Variants in KCNQ1 observed in about 807,000 individuals in gnomAD.
The protein encoded by KCNQ1 is potassium voltage-gated channel subfamily KQT member 1.
In KCNQ1, 49 loss-of-function variants were observed where a neutral mutation model predicts 72.4. That is an observed-to-expected ratio of 0.68 (90% confidence interval 0.54 to 0.86). KCNQ1 has a LOEUF of 0.86. KCNQ1 is among the 40% of genes least tolerant of loss of function. The probability of loss-of-function intolerance (pLI) is 0.00; values close to 1 mark genes in which losing one functional copy is unlikely to be tolerated. For synonymous variants in KCNQ1, 450 were observed against 412.6 expected, an observed-to-expected ratio of 1.09 and a Z score of -1.10; for missense variants, 790 against 945.1, an observed-to-expected ratio of 0.84 and a Z score of 2.15.
intron 15 of KCNQ1, among the ~76,000 whole-genome samples, chr11:2,837,576 T>A (rs1423452320): frequency 6.6e-6 from 1 of 152,098 alleles, no homozygotes; most frequent in African/African-American, 2.4e-5. Context: ...AGGCGGCCTC[T>A]AAGAAGCACA....
At chr11:2,843,132 A>G (rs1356608387) in intron 15 of KCNQ1, among the ~76,000 whole-genome samples, 2 of 152,220 alleles carry the variant, frequency 1.3e-5, no homozygotes, top group Non-Finnish European at 2.9e-5. Flanking sequence ...AGCTGCCCCA[A>G]GGCCTGGCGG....
Position 2,663,376 on chromosome 11 carries a change from G to A in KCNQ1, c.1514+1295G>A. 2.5e-6 allele frequency: 1 copy of A among 398,778 alleles called. No homozygotes were observed. Among genetic ancestry groups the A allele is most frequent in the Non-Finnish European group, 4.4e-6 (1 of 226,172 alleles). 24.7% of individuals were successfully genotyped at this position (398,778 alleles called of 1,614,324 possible). On this transcript the variant is annotated intron_variant, in intron 11 of 15. Coordinates refer to ENST00000155840, the MANE Select transcript of KCNQ1 (RefSeq NM_000218.3). The surrounding 1 kb of genome is among the most constrained non-coding windows in gnomAD (Gnocchi z 5.2). The stretch of plus-strand genomic sequence containing the variant: ...AGATGGGCTGCCCAGGTACAGGTCA[G>A]CACCAGAAGGCAGAATGATGGCTTA...
chr11:2,557,623 G>A (rs1298896121), intron 2 of KCNQ1, among the ~76,000 whole-genome samples: 1 of 152,206 alleles, frequency 6.6e-6, no homozygotes, highest in African/African-American at 2.4e-5. Flanking sequence ...TGGGGCTGGA[G>A]CCTCCACAGC....
chr11:2,788,332 T>A (rs1564893242), intron 15 of KCNQ1, among the ~76,000 whole-genome samples: 1 of 152,176 alleles, frequency 6.6e-6, no homozygotes, highest in Non-Finnish European at 1.5e-5. Context: ...TGCAGCCAGG[T>A]CTGTTCCCTG....
At chr11:2,815,000 C>T (rs577959594) in intron 15 of KCNQ1, among the ~76,000 whole-genome samples, 2 of 152,344 alleles carry the variant, frequency 1.3e-5, no homozygotes, top group South Asian at 4.1e-4. Flanking sequence ...GCTCTGCACA[C>T]ACAGCTTTCC....
chr11:2,478,232 A>G lies in KCNQ1; in HGVS notation c.386+32748A>G, dbSNP rs1846601073. ...TGAATACTTTGAAAATGCCAGGGCC[A>G]AAAAACGTAGAAGGCTAAATAAAGT... On this transcript the variant is annotated intron_variant, in intron 1 of 15. Transcript: ENST00000155840. The surrounding 1 kb of genome is among the most constrained non-coding windows in gnomAD (Gnocchi z 4.0). 6.6e-6 allele frequency among the ~76,000 whole-genome samples: 1 copy of G among 152,204 alleles called. No homozygotes were observed. The highest frequency in any genetic ancestry group is 2.4e-5 in the African/African-American group (1 of 41,440).
At chr11:2,666,379 A>T (rs997855265) in intron 11 of KCNQ1, 14 of 398,652 alleles carry the variant, frequency 3.5e-5, no homozygotes, top group Middle Eastern at 6.3e-4. Flanking sequence ...TTGTGACATG[A>T]CAGCTTCGCA....
chr11:2,656,124 G>A (rs1445447084), intron 10 of KCNQ1: 4 of 398,526 alleles, frequency 1.0e-5, no homozygotes, highest in Admixed American at 8.8e-5. Flanking sequence ...TCTAGCCTGT[G>A]CTCCATCGTT....
At chr11:2,821,268 G>A (rs1847731038) in intron 15 of KCNQ1, among the ~76,000 whole-genome samples, 1 of 152,240 alleles carries the variant, frequency 6.6e-6, no homozygotes, top group Non-Finnish European at 1.5e-5. Context: ...AGGTGCAGAG[G>A]CCCCGCGTGG....
In KCNQ1 at chr11:2,676,415, G is replaced by T. The variant is rs542013482; in HGVS notation, c.1514+14334G>T. The T allele has an allele frequency of 1.4e-4, 56 of 398,650 alleles. No homozygotes were observed. Among genetic ancestry groups the T allele is most frequent in the African/African-American group, 1.0e-3 (50 of 48,764 alleles). The allele number at this position is 398,650 out of a possible 1,614,324, so 24.7% of individuals were successfully genotyped here. On this transcript the variant is annotated intron_variant, in intron 11 of 15. Coordinates refer to ENST00000155840, the MANE Select transcript of KCNQ1 (RefSeq NM_000218.3). This position sits in a 1 kb window ranked among gnomAD's most constrained non-coding sequence, Gnocchi z 4.2. ...TGTTCAGCTAGAGATTTAGCCCAATGGGCTGGGCTTTTCCCAGATAGGACA... is the reference window on the plus strand; with the variant it reads ...TGTTCAGCTAGAGATTTAGCCCAATTGGCTGGGCTTTTCCCAGATAGGACA...
Position 2,559,382 on chromosome 11 carries a change from A to G in KCNQ1, c.478-11246A>G, listed in dbSNP as rs1848125106. 6.6e-6 allele frequency among the ~76,000 whole-genome samples: 1 copy of G among 152,142 alleles called. No homozygotes were observed. The highest frequency in any genetic ancestry group is 2.4e-5 in the African/African-American group (1 of 41,448). ...CCCTGGATCTTGTTGACACCCCGGG[A>G]TGTGCCCTTGTGGCTACTTAGACGT... On this transcript the variant is annotated intron_variant, in intron 2 of 15. Transcript: ENST00000155840. This position sits in a 1 kb window ranked among gnomAD's most constrained non-coding sequence, Gnocchi z 4.9.
chr11:2,549,281 T>C lies in KCNQ1; in HGVS notation c.477+21263T>C, dbSNP rs1371623050. ...TGGTGCCAGGATGCTGGGGTGGGGCTATGGGGAAGGAAGACATGTGGGCCA... is the reference window on the plus strand; with the variant it reads ...TGGTGCCAGGATGCTGGGGTGGGGCCATGGGGAAGGAAGACATGTGGGCCA... On this transcript the variant is annotated intron_variant, in intron 2 of 15. Transcript: ENST00000155840. The surrounding 1 kb of genome is among the most constrained non-coding windows in gnomAD (Gnocchi z 6.2). Among the ~76,000 whole-genome samples the C allele has an allele frequency of 6.6e-6, 1 of 152,060 alleles. No homozygotes were observed. Among genetic ancestry groups the C allele is most frequent in the Non-Finnish European group, 1.5e-5 (1 of 67,988 alleles).
rs1848470056 is a variant in KCNQ1, at chr11:2,579,605, A to G, written c.922-3830A>G. On this transcript the variant is annotated intron_variant, in intron 6 of 15. Transcript: ENST00000155840. This position sits in a 1 kb window ranked among gnomAD's most constrained non-coding sequence, Gnocchi z 6.0. ...GGGCCGTTTCCTTGTTAACTTGAGG[A>G]TGAGGGTCTGGGGCCGGGTCTGGGC... Among the ~76,000 whole-genome samples, 1 of 152,198 alleles carries G rather than the reference A, an allele frequency of 6.6e-6. No homozygotes were observed. The highest frequency in any genetic ancestry group is 2.1e-4 in the South Asian group (1 of 4,830).
intron 11 of KCNQ1, among the ~76,000 whole-genome samples, chr11:2,722,754 G>C (rs1046945266): frequency 2.0e-5 from 3 of 152,074 alleles, no homozygotes; most frequent in African/African-American, 7.3e-5. Flanking sequence ...TGGCTAAGCT[G>C]CCCCTAGATA....
At chr11:2,667,563 G>A (rs1435789024) in intron 11 of KCNQ1, 2 of 309,298 alleles carry the variant, frequency 6.5e-6, no homozygotes, top group African/African-American at 2.2e-5. Context: ...GACACTTCTG[G>A]CAGTTGGGGC....
At position 2,661,550 on chromosome 11, in the gene KCNQ1, A is replaced by G. The variant is rs1457705153; in HGVS notation, c.1394-411A>G. 13 of 528,200 alleles carry G rather than the reference A, an allele frequency of 2.5e-5. No homozygotes were observed. In the Admixed American group the frequency reaches 2.6e-4, roughly 11 times the overall value. The allele number at this position is 528,200 out of a possible 1,614,324, so 32.7% of individuals were successfully genotyped here. ...TCTTTCCTGACCCACTACTCTGTCA[A>G]TGTATGAGTGTGACAATGTATGGTG... is the stretch of plus-strand genomic sequence containing the variant. On this transcript the variant is annotated intron_variant, in intron 10 of 15. Coordinates refer to ENST00000155840, the MANE Select transcript of KCNQ1 (RefSeq NM_000218.3). This position sits in a 1 kb window ranked among gnomAD's most constrained non-coding sequence, Gnocchi z 5.9.
At chr11:2,474,889 G>T (rs953842825) in intron 1 of KCNQ1, among the ~76,000 whole-genome samples, 3 of 152,190 alleles carry the variant, frequency 2.0e-5, no homozygotes, top group African/African-American at 7.2e-5. Context: ...CCCTTTTACA[G>T]ATGGGAAAAC....
chr11:2,685,662 G>C (rs1449249424), intron 11 of KCNQ1: 15 of 398,564 alleles, frequency 3.8e-5, no homozygotes. Context: ...ACAGGTACCA[G>C]AAGTTCAGGG....
chr11:2,583,189 G>C (rs1444740163), intron 6 of KCNQ1, among the ~76,000 whole-genome samples: 1 of 152,166 alleles, frequency 6.6e-6, no homozygotes, highest in Non-Finnish European at 1.5e-5. Flanking sequence ...CTGGCCCTTC[G>C]TGGGTGCTGG....
Sources: gnomAD v4.1 joint callset for allele counts (sites outside exome capture counted in the v4.1 genomes callset) on GRCh38, gnomAD v4.1.1 for gene constraint, Gnocchi (gnomAD v3.1) non-coding constraint, MANE v1.5 for transcripts, NCBI Gene and HGNC (gene_info 2026-07-23, HGNC 2026-07-21) for gene names.